DNAH8: variants seen among roughly 807,000 people sequenced by gnomAD.
DNAH8 encodes dynein axonemal heavy chain 8, also known as axonemal beta dynein heavy chain 8.
DNAH8 carries 382 observed loss-of-function variants against 562.1 expected under a neutral mutation model. The observed-to-expected ratio is 0.68, with a 90% CI of 0.63 to 0.74. The LOEUF is 0.74. Among genes scored for constraint, DNAH8 ranks in the 30% least tolerant of loss-of-function variants. The pLI is 0.00. For missense variants in DNAH8, 5,203 were observed against 5,620.4 expected, an observed-to-expected ratio of 0.93 and a Z score of 2.37; for synonymous variants, 1,881 against 1,919.4, an observed-to-expected ratio of 0.98 and a Z score of 0.52.
intron 45 of DNAH8, among the ~76,000 whole-genome samples, chr6:38,866,384 A>G (rs771312932): frequency 6.6e-5 from 10 of 152,188 alleles, no homozygotes; most frequent in Non-Finnish European, 1.3e-4. Context: ...GACTTTATTA[A>G]TATCATGAAA....
intron 43 of DNAH8, 46 bp from the exon 44 acceptor site, chr6:38,862,234 C>A: frequency 6.4e-7 from 1 of 1,551,748 alleles, no homozygotes; most frequent in Admixed American, 1.9e-5. Flanking sequence ...CATCCTGTAA[C>A]GTGTCATCCC....
intron 19 of DNAH8, 31 bp downstream of exon 19, chr6:38,789,914 T>C: frequency 6.6e-7 from 1 of 1,515,866 alleles, no homozygotes; most frequent in Non-Finnish European, 9.1e-7. Flanking sequence ...GTATTGATTT[T>C]CCTGTTATTT....
At chr6:38,717,878 G>A (rs987618806) in intron 1 of DNAH8, among the ~76,000 whole-genome samples, 3 of 151,878 alleles carry the variant, frequency 2.0e-5, no homozygotes, top group African/African-American at 4.8e-5. Flanking sequence ...AAAATGCTGA[G>A]AAACAAAAAA....
At chr6:38,883,137 T>C in intron 54 of DNAH8, 85 bp downstream of exon 54, 9 of 1,385,012 alleles carry the variant, frequency 6.5e-6, no homozygotes, top group Non-Finnish European at 8.7e-6. Flanking sequence ...CCAGCACTTT[T>C]ATAGTACACA....
chr6:38,855,077 A>C (rs971114315), intron 41 of DNAH8, among the ~76,000 whole-genome samples: 5 of 150,720 alleles, frequency 3.3e-5, no homozygotes, highest in Non-Finnish European at 5.9e-5. Flanking sequence ...ATATACATGT[A>C]TACACATATA....
intron 37 of DNAH8, 124 bp downstream of exon 37, chr6:38,848,925 G>A: frequency 1.2e-6 from 1 of 813,162 alleles, no homozygotes; most frequent in African/African-American, 1.7e-5. Context: ...GCAAACTATG[G>A]CCCACTTGCC....
chr6:38,857,713 G>A lies in DNAH8; in HGVS notation c.5929G>A (p.Val1977Met), dbSNP rs759008197. 4.3e-6 allele frequency: 7 copies of A among 1,610,856 alleles called. No homozygotes were observed. The Admixed American group carries it at 6.7e-5, about 15-fold the overall frequency. Residue 1977 changes from valine to methionine, a missense_variant, in exon 42 of 93, where the codon GTG (valine) becomes ATG (methionine). Val to Met is a conservative substitution (Grantham distance 21). This residue lies in a region of DNAH8 where 2,176 missense variants were observed against 2,365.1 expected (regional missense o/e 0.92). Transcript: ENST00000327475. ...GTTCGAGACTCTAATTACCATCCAT[G>A]TGCATCAGAGAGATATTTTTGATGA... ...VKFETLITIHVHQRDIFDDLV... is the reference protein window; with the variant it reads ...VKFETLITIHMHQRDIFDDLV...
chr6:38,974,662 C>T (rs1763556847), intron 85 of DNAH8, 133 bp downstream of exon 85: 1 of 689,586 alleles, frequency 1.5e-6, no homozygotes, highest in African/African-American at 1.8e-5. Context: ...ATAGCACTTT[C>T]CCCACCTGGT....
chr6:38,881,694 G>A (rs1440292219), intron 53 of DNAH8, among the ~76,000 whole-genome samples: 3 of 151,964 alleles, frequency 2.0e-5, no homozygotes, highest in Non-Finnish European at 4.4e-5. Context: ...TGGGATTACA[G>A]GCATGCACCA....
chr6:39,018,339 G>A (rs1351257582), intron 91 of DNAH8, among the ~76,000 whole-genome samples: 1 of 152,004 alleles, frequency 6.6e-6, no homozygotes, highest in Non-Finnish European at 1.5e-5. Flanking sequence ...CATATCTAAC[G>A]ACCTCCCTGA....
At chr6:38,827,804 C>A (rs1773496201) in intron 29 of DNAH8, among the ~76,000 whole-genome samples, 2 of 113,230 alleles carry the variant, frequency 1.8e-5, no homozygotes, top group Non-Finnish European at 3.3e-5. Context: ...CCCTTGGAGC[C>A]TGGATCATTC....
chr6:38,783,520 C>G (rs1216127098), intron 17 of DNAH8, among the ~76,000 whole-genome samples: 2 of 152,202 alleles, frequency 1.3e-5, no homozygotes, highest in African/African-American at 2.4e-5. Context: ...TTTCCTCTCT[C>G]CCTGCTTCCC....
intron 49 of DNAH8, among the ~76,000 whole-genome samples, chr6:38,872,199 C>G (rs139672380): frequency 1.3e-5 from 2 of 152,096 alleles, no homozygotes; most frequent in Admixed American, 1.3e-4. Flanking sequence ...CATTGGATGC[C>G]GAGAAAGTTT....
intron 26 of DNAH8, among the ~76,000 whole-genome samples, chr6:38,816,638 C>A (rs1248275429): frequency 1.3e-5 from 2 of 152,120 alleles, no homozygotes; most frequent in African/African-American, 2.4e-5. Flanking sequence ...ATTTCTGGTT[C>A]TAGGTCTTTG....
chr6:38,929,840 A>G (rs1188690129), intron 75 of DNAH8, among the ~76,000 whole-genome samples, 174 bp downstream of exon 75: 2 of 152,172 alleles, frequency 1.3e-5, no homozygotes, highest in Non-Finnish European at 2.9e-5. Context: ...CGTCGGAAAT[A>G]AACTATTTCC....
intron 65 of DNAH8, among the ~76,000 whole-genome samples, chr6:38,910,810 T>C (rs1393503246): frequency 1.3e-5 from 2 of 152,164 alleles, no homozygotes; most frequent in Admixed American, 1.3e-4. Flanking sequence ...TCTTCAAAAC[T>C]ACAAAAGTTT....
At chr6:38,833,528 A>G (rs547554519) in intron 31 of DNAH8, among the ~76,000 whole-genome samples, 11 of 152,310 alleles carry the variant, frequency 7.2e-5, no homozygotes, top group African/African-American at 2.4e-4. Context: ...TTGCAGACAT[A>G]AGCAAATCTG....
Position 38,783,125 on chromosome 6 carries a change from C to T in DNAH8, c.2381C>T (p.Ser794Leu), listed in dbSNP as rs770668255. Reference sequence around the variant, plus strand: ...CACACAGCCTGGATCAGAGAGATTTCACAGTTGCATTACGGTGTGTATAAC... The same window carrying T: ...CACACAGCCTGGATCAGAGAGATTTTACAGTTGCATTACGGTGTGTATAAC... ...VYHTAWIREI[S>L]QLHYALQATL... Residue 794 changes from serine (S) to leucine (L), a missense_variant, in exon 17 of 93, where the codon TCA (serine) becomes TTA (leucine). By Grantham distance (145) the Ser-to-Leu change is moderately radical. Around this residue, in one of 6 missense-constraint regions of DNAH8, gnomAD observed 2,176 missense variants for 2,365.1 expected, o/e 0.92. Coordinates refer to ENST00000327475, the MANE Select transcript of DNAH8 (RefSeq NM_001206927.2). The T allele has an allele frequency of 3.7e-6, 6 of 1,613,942 alleles. No homozygotes were observed. Among genetic ancestry groups the T allele is most frequent in the Non-Finnish European group, 5.1e-6 (6 of 1,179,892 alleles).
intron 91 of DNAH8, among the ~76,000 whole-genome samples, chr6:39,023,036 C>G (rs528867830): frequency 6.6e-6 from 1 of 152,064 alleles, no homozygotes; most frequent in South Asian, 2.1e-4. Context: ...AATCAAATCA[C>G]CTGTTTTCAT....
Sources: allele counts gnomAD v4.1 joint callset (sites outside exome capture counted in the v4.1 genomes callset), GRCh38; gene constraint gnomAD v4.1.1; regional missense constraint gnomAD v4.1.1; transcripts MANE v1.5; gene names NCBI Gene and HGNC (gene_info 2026-07-23, HGNC 2026-07-21).